PDE6C: variants seen among roughly 807,000 people sequenced by gnomAD.
The protein encoded by PDE6C is cone cGMP-specific 3',5'-cyclic phosphodiesterase subunit alpha'.
In PDE6C, 75 loss-of-function variants were observed where a neutral mutation model predicts 113.1. The ratio of observed to expected loss-of-function variants is 0.66; its 90% CI spans 0.55 to 0.80. The LOEUF is 0.80. PDE6C is among the 30% of genes least tolerant of loss of function. The pLI, the probability that PDE6C is intolerant of heterozygous loss-of-function variation, is 0.00. For synonymous variants in PDE6C, 375 were observed against 363.7 expected (o/e 1.03, Z -0.35); for missense variants, 912 against 1,038.6 (o/e 0.88, Z 1.67).
At chr10:93,640,361 A>C in intron 12 of PDE6C, 89 bp from the exon 13 acceptor site, 7 of 1,256,820 alleles carry the variant, frequency 5.6e-6, no homozygotes. Context: ...TATCTACAAG[A>C]CCAACACATC....
At chr10:93,639,491 G>A (rs974571647) in intron 11 of PDE6C, among the ~76,000 whole-genome samples, 1 of 152,078 alleles carries the variant, frequency 6.6e-6, no homozygotes, top group East Asian at 1.9e-4. Context: ...TGTACTGCAG[G>A]GCAATCATTG....
chr10:93,658,298 A>T (rs2058650049), intron 16 of PDE6C, among the ~76,000 whole-genome samples: 2 of 151,832 alleles, frequency 1.3e-5, no homozygotes, highest in African/African-American at 4.8e-5. Flanking sequence ...TAATATAATG[A>T]GTGTGAGATA....
At chr10:93,652,985 T>C (rs1246836192) in intron 15 of PDE6C, among the ~76,000 whole-genome samples, 5 of 152,174 alleles carry the variant, frequency 3.3e-5, no homozygotes, top group Admixed American at 2.6e-4. Flanking sequence ...CACACATTCC[T>C]CCCCTCCCCC....
intron 7 of PDE6C, among the ~76,000 whole-genome samples, chr10:93,627,958 T>C (rs891249591): frequency 5.9e-5 from 9 of 151,948 alleles, no homozygotes; most frequent in Non-Finnish European, 1.2e-4. Flanking sequence ...GCAGGCAGAG[T>C]TTGGTGAGGT....
intron 4 of PDE6C, among the ~76,000 whole-genome samples, chr10:93,622,639 GTTTTTTTTTTGT>G (rs1321255815): frequency 8.8e-6 from 1 of 113,992 alleles, no homozygotes; most frequent in East Asian, 2.7e-4. Context: ...GTAGCCACAG[GTTTTTTTTTTGT>G]TTTTTTTTTT....
chr10:93,662,395 G>A (rs867943814), intron 19 of PDE6C, among the ~76,000 whole-genome samples, 165 bp from the exon 20 acceptor site: 16 of 146,692 alleles, frequency 1.1e-4, no homozygotes, highest in African/African-American at 3.6e-4. Context: ...CTCAGAAGGC[G>A]AAGGCTGCAG....
At chr10:93,618,121 A>C (rs528695240) in intron 1 of PDE6C, among the ~76,000 whole-genome samples, 3 of 152,304 alleles carry the variant, frequency 2.0e-5, no homozygotes, top group East Asian at 1.9e-4. Flanking sequence ...GGAGGCCTAC[A>C]TCCAGCTATG....
rs557957487 is a variant in PDE6C at position 93,612,946 on chromosome 10, G to A, written c.221G>A (p.Gly74Asp). 1.2e-6 allele frequency: 2 copies of A among 1,613,918 alleles called. No homozygotes were observed. The highest frequency in any genetic ancestry group is 1.7e-6 in the Non-Finnish European group (2 of 1,179,978). The change falls in exon 1 of 22, where the codon GGC becomes GAC. Residue 74 changes from glycine (G) to aspartate (D), a missense_variant. Gly to Asp is a moderately conservative substitution (Grantham distance 94, BLOSUM62 -1). Coordinates refer to ENST00000371447, the MANE Select transcript of PDE6C (RefSeq NM_006204.4). ...ELLWTVQEEG[G>D]TPEQGVHRAL... ...CTGTGGACCGTGCAGGAGGAGGGGGGCACCCCAGAGCAGGGGGTTCACAGG... is the reference window on the plus strand; with the variant it reads ...CTGTGGACCGTGCAGGAGGAGGGGGACACCCCAGAGCAGGGGGTTCACAGG...
rs769506319 is a variant in PDE6C at position 93,613,035 on chromosome 10, C to T, written c.310C>T (p.Arg104Trp). The change falls in exon 1 of 22, where the codon CGG becomes TGG. Residue 104 changes from arginine (R) to tryptophan (W), a missense_variant. Coordinates refer to ENST00000371447, the MANE Select transcript of PDE6C (RefSeq NM_006204.4). ...DRCSMFLCRS[R>W]NGIPEVASRL... ...CTGCAGCATGTTCCTGTGCCGGTCC[C>T]GGAACGGCATACCTGAGGTGGCCTC... The T allele has an allele frequency of 1.2e-5, 19 of 1,614,058 alleles. No individual in the cohort carries two copies. Among genetic ancestry groups the T allele is most frequent in the African/African-American group, 1.3e-5 (1 of 74,928 alleles).
At chr10:93,661,240 C>T (rs1240507760) in intron 18 of PDE6C, among the ~76,000 whole-genome samples, 1 of 152,154 alleles carries the variant, frequency 6.6e-6, no homozygotes, top group Admixed American at 6.5e-5. Flanking sequence ...AGCATCAATT[C>T]CCATCACCTT....
chr10:93,635,225 GC>G (rs561274540), intron 9 of PDE6C, among the ~76,000 whole-genome samples: 13 of 152,106 alleles, frequency 8.5e-5, no homozygotes, highest in Middle Eastern at 3.4e-3. Context: ...CTTACGCCCA[GC>G]CCCCTGCCTA....
intron 15 of PDE6C, among the ~76,000 whole-genome samples, chr10:93,653,087 G>A (rs756333333): frequency 3.3e-5 from 5 of 151,958 alleles, no homozygotes; most frequent in Non-Finnish European, 7.4e-5. Context: ...ACATCACTTT[G>A]GGAACATAGC....
intron 21 of PDE6C, among the ~76,000 whole-genome samples, 178 bp from the exon 22 acceptor site, chr10:93,665,182 T>G (rs574034994): frequency 6.6e-6 from 1 of 152,308 alleles, no homozygotes; most frequent in Non-Finnish European, 1.5e-5. Context: ...ATTTTATTTT[T>G]TGAATGGACC....
intron 11 of PDE6C, 32 bp downstream of exon 11, chr10:93,637,095 T>C: frequency 9.2e-7 from 1 of 1,089,116 alleles, no homozygotes; most frequent in Non-Finnish European, 1.4e-6. Flanking sequence ...TTAATGCCTG[T>C]TAAATAGAGG....
chr10:93,665,299 A>G (rs1419380803), intron 21 of PDE6C, 61 bp from the exon 22 acceptor site: 8 of 1,206,802 alleles, frequency 6.6e-6, no homozygotes, highest in Non-Finnish European at 9.9e-6. Flanking sequence ...TGGGAATGTT[A>G]GAATAAAAAC....
Position 93,658,909 on chromosome 10 carries a change from CCAT to C in PDE6C, c.2046_2048del (p.Met683del). On this transcript the variant is annotated inframe_deletion, in exon 17 of 22. Coordinates refer to ENST00000371447, the MANE Select transcript of PDE6C (RefSeq NM_006204.4). ...AGCTGTATCTTTTCTAGGAAGAGGA[CCAT>C]GTTTCAAAAAATTGTTGATGCCTGT... 6.3e-7 allele frequency: 1 copy of C among 1,599,822 alleles called. No homozygotes were observed. The highest frequency in any genetic ancestry group is 2.2e-5 in the East Asian group (1 of 44,674).
rs745848107 is a variant in PDE6C, at chr10:93,662,541, G to C, written c.2284-19G>C. 8.7e-7 allele frequency: 1 copy of C among 1,152,782 alleles called. No individual in the cohort carries two copies. The highest frequency in any genetic ancestry group is 1.2e-5 in the South Asian group (1 of 81,860). 71.4% of individuals were successfully genotyped at this position (1,152,782 alleles called of 1,614,324 possible). On this transcript the variant is annotated intron_variant, in intron 19 of 21. Transcript: ENST00000371447. ...TACATCTTAGAAACCTGTCTTAAAG[G>C]ATTTATTTCTCTTTCTAGCCTATGA...
Position 93,620,883 on chromosome 10 carries a change from G to T in PDE6C, c.634-8G>T. 6.2e-7 allele frequency: 1 copy of T among 1,613,360 alleles called. No individual in the cohort carries two copies. Among genetic ancestry groups the T allele is most frequent in the South Asian group, 1.1e-5 (1 of 91,064 alleles). On this transcript the variant is annotated splice_region_variant and splice_polypyrimidine_tract_variant and intron_variant, in intron 2 of 21. Transcript: ENST00000371447. ...CAACCATAACTTGTTATTCTCTGCC[G>T]TCTGTAGGTCTTTTCCAAATACCTC...
At position 93,652,545 on chromosome 10, in the gene PDE6C, T is replaced by A. The variant is rs192015029; in HGVS notation, c.1936-3215T>A. ...TGAAATGGTGACTATAAACCCTTTT[T>A]CTTCATTATATCAATTTTTAAAAAT... On this transcript the variant is annotated intron_variant, in intron 15 of 21. Coordinates refer to ENST00000371447, the MANE Select transcript of PDE6C (RefSeq NM_006204.4). Among the ~76,000 whole-genome samples the A allele has an allele frequency of 2.5e-4, 38 of 152,362 alleles. 1 individual carries two copies. The highest frequency in any genetic ancestry group is 6.5e-4 in the Admixed American group (10 of 15,308).
Sources: gnomAD v4.1 joint callset for allele counts (sites outside exome capture counted in the v4.1 genomes callset) on GRCh38, gnomAD v4.1.1 for gene constraint, MANE v1.5 for transcripts, NCBI Gene and HGNC (gene_info 2026-07-23, HGNC 2026-07-21) for gene names.